SLIT2: variants seen among roughly 807,000 people sequenced by gnomAD.
The protein encoded by SLIT2 is slit guidance ligand 2, also known as slit homolog 2 protein.
SLIT2 carries 41 observed loss-of-function variants against 185.7 expected under a neutral mutation model. The ratio of observed to expected loss-of-function variants is 0.22; its 90% confidence interval spans 0.17 to 0.29. SLIT2 has a LOEUF of 0.29. Among genes scored for constraint, SLIT2 ranks in the 10% least tolerant of loss-of-function variants. SLIT2 has a pLI of 1.00. For synonymous variants in SLIT2, 693 were observed against 680.2 expected, an observed-to-expected ratio of 1.02 and a Z score of -0.29; for missense variants, 1,571 against 1,909.0, an observed-to-expected ratio of 0.82 and a Z score of 3.30.
intron 4 of SLIT2, among the ~76,000 whole-genome samples, chr4:20,418,675 T>C (rs1727901371): frequency 6.6e-6 from 1 of 152,212 alleles, no homozygotes; most frequent in Non-Finnish European, 1.5e-5. Flanking sequence ...TGGGAATTTC[T>C]TGGGAGAAGT....
At chr4:20,568,407 C>T (rs986385294) in intron 28 of SLIT2, among the ~76,000 whole-genome samples, 12 of 151,300 alleles carry the variant, frequency 7.9e-5, no homozygotes, top group South Asian at 6.3e-4. Context: ...ATTTTGTTTT[C>T]GGATTTTTTT....
Position 20,459,204 on chromosome 4 carries a change from C to T in SLIT2, c.396-8548C>T, listed in dbSNP as rs529437480. On this transcript the variant is annotated intron_variant, in intron 4 of 36. Coordinates refer to ENST00000504154, the MANE Select transcript of SLIT2 (RefSeq NM_004787.4). ...AAAAAAACCTCATTAATACATCCAA[C>T]AAAGAAAGCCCAAAGTACTTATTCC... Among the ~76,000 whole-genome samples the T allele has an allele frequency of 2.7e-5, 4 of 150,200 alleles. No individual in the cohort carries two copies. The East Asian group carries it at 7.8e-4, about 29-fold the overall frequency.
intron 4 of SLIT2, among the ~76,000 whole-genome samples, chr4:20,445,874 G>C (rs1008083862): frequency 2.0e-5 from 3 of 152,140 alleles, no homozygotes; most frequent in African/African-American, 4.8e-5. Context: ...GTTCCTGAGC[G>C]TGTCAAGTGG....
chr4:20,564,919 T>C (rs1489649134), intron 26 of SLIT2, among the ~76,000 whole-genome samples: 2 of 151,908 alleles, frequency 1.3e-5, no homozygotes, highest in African/African-American at 2.4e-5. Context: ...GCAAAGAAAT[T>C]AGATAGTGAT....
chr4:20,507,839 A>G (rs1577811055), intron 9 of SLIT2, among the ~76,000 whole-genome samples: 1 of 152,050 alleles, frequency 6.6e-6, no homozygotes. Flanking sequence ...CAAATCTTTA[A>G]TACATTGAAA....
intron 4 of SLIT2, among the ~76,000 whole-genome samples, chr4:20,319,512 GA>G (rs987387043): frequency 6.6e-6 from 1 of 151,746 alleles, no homozygotes; most frequent in Non-Finnish European, 1.5e-5. Flanking sequence ...TTTTTACTTT[GA>G]AAAAAATGGC....
intron 4 of SLIT2, among the ~76,000 whole-genome samples, chr4:20,432,545 T>G (rs969960044): frequency 6.6e-6 from 1 of 151,240 alleles, no homozygotes; most frequent in African/African-American, 2.4e-5. Flanking sequence ...TTTTTAATAC[T>G]TGGCCACCAG....
chr4:20,313,657 G>C (rs1430415507), intron 4 of SLIT2, among the ~76,000 whole-genome samples: 2 of 152,114 alleles, frequency 1.3e-5, no homozygotes, highest in African/African-American at 4.8e-5. Context: ...ACTGGTTTTT[G>C]GAAGACAGTT....
At chr4:20,480,614 T>A (rs551375379) in intron 5 of SLIT2, 102 bp from the exon 6 acceptor site, 1 of 771,116 alleles carries the variant, frequency 1.3e-6, no homozygotes, top group African/African-American at 1.7e-5. Context: ...GGCACTTCAG[T>A]GAGTGTGTCC....
chr4:20,478,869 G>A (rs1716397971), intron 5 of SLIT2, among the ~76,000 whole-genome samples: 1 of 152,102 alleles, frequency 6.6e-6, no homozygotes, highest in Non-Finnish European at 1.5e-5. Flanking sequence ...ATTGTTAAAT[G>A]AATTTAATCT....
intron 4 of SLIT2, among the ~76,000 whole-genome samples, chr4:20,381,923 A>T (rs990782082): frequency 2.0e-5 from 3 of 151,964 alleles, no homozygotes; most frequent in Non-Finnish European, 1.5e-5. Context: ...TTGTATAAAT[A>T]CATATGTATT....
intron 31 of SLIT2, 47 bp downstream of exon 31, chr4:20,595,881 C>A: frequency 2.7e-6 from 4 of 1,507,060 alleles, no homozygotes; most frequent in Non-Finnish European, 3.7e-6. Flanking sequence ...AGACCTAGCA[C>A]AACAGGGTGA....
intron 4 of SLIT2, among the ~76,000 whole-genome samples, chr4:20,277,234 C>G (rs1714255314): frequency 6.6e-6 from 1 of 152,084 alleles, no homozygotes; most frequent in South Asian, 2.1e-4. Flanking sequence ...AAATTCTTAG[C>G]AGCTTTTATT....
chr4:20,288,114 CT>C (rs1236769421), intron 4 of SLIT2, among the ~76,000 whole-genome samples: 2 of 152,132 alleles, frequency 1.3e-5, no homozygotes, highest in Non-Finnish European at 2.9e-5. Flanking sequence ...ACAATCATGG[CT>C]GTTATTGTAT....
intron 25 of SLIT2, chr4:20,552,847 A>G (rs1341634251): frequency 3.3e-5 from 5 of 152,214 alleles, no homozygotes; most frequent in Non-Finnish European, 5.9e-5. Flanking sequence ...TACGGCTTCA[A>G]TCCAACCTTT....
chr4:20,540,932 T>G (rs1722753691), intron 19 of SLIT2, among the ~76,000 whole-genome samples: 1 of 152,206 alleles, frequency 6.6e-6, no homozygotes, highest in Non-Finnish European at 1.5e-5. Flanking sequence ...TGGCATTTAA[T>G]CAACTCAGCT....
chr4:20,591,150 A>G (rs953739109), intron 30 of SLIT2, among the ~76,000 whole-genome samples: 3 of 152,172 alleles, frequency 2.0e-5, no homozygotes, highest in African/African-American at 7.2e-5. Context: ...CTTTATAGCT[A>G]TTCACCTTCA....
At chr4:20,306,042 G>C (rs1317387389) in intron 4 of SLIT2, among the ~76,000 whole-genome samples, 1 of 151,902 alleles carries the variant, frequency 6.6e-6, no homozygotes, top group African/African-American at 2.4e-5. Context: ...TTCCAATTTG[G>C]TCAAGAAAGA....
chr4:20,402,772 G>T (rs1002993551), intron 4 of SLIT2, among the ~76,000 whole-genome samples: 5 of 151,596 alleles, frequency 3.3e-5, no homozygotes, highest in African/African-American at 1.2e-4. Flanking sequence ...TTAAAGCGTG[G>T]TAAAGGATTT....
Sources: allele counts gnomAD v4.1 joint callset (sites outside exome capture counted in the v4.1 genomes callset), GRCh38; gene constraint gnomAD v4.1.1; transcripts MANE v1.5; gene names NCBI Gene and HGNC (gene_info 2026-07-23, HGNC 2026-07-21).